The following NME9 variants were observed in gnomAD, a reference collection of about 807,000 sequenced individuals.
NME9 encodes the protein thioredoxin domain-containing protein 6.
NME9 carries 48 observed loss-of-function variants against 44.4 expected under a neutral mutation model. The ratio of observed to expected loss-of-function variants is 1.08; its 90% CI spans 0.86 to 1.37. NME9 has a LOEUF of 1.37. NME9 is among the 40% of genes most tolerant of loss of function. The pLI is 0.00. For missense variants in NME9, 325 were observed against 405.2 expected, an observed-to-expected ratio of 0.80 and a Z score of 1.70; for synonymous variants, 139 against 147.1, an observed-to-expected ratio of 0.94 and a Z score of 0.40.
At chr3:138,262,993 C>T (rs954407283) in intron 8 of NME9, among the ~76,000 whole-genome samples, 1 of 152,168 alleles carries the variant, frequency 6.6e-6, no homozygotes, top group African/African-American at 2.4e-5. Context: ...ATGCTTAGCA[C>T]AGTGCTTGGC....
At chr3:138,268,508 G>C (rs1259673674) in intron 8 of NME9, among the ~76,000 whole-genome samples, 1 of 152,188 alleles carries the variant, frequency 6.6e-6, no homozygotes, top group Non-Finnish European at 1.5e-5. Context: ...TTAGGGTCTA[G>C]TTAGGAAATA....
At chr3:138,329,273 A>G (rs1414454757) in intron 1 of NME9, 30 bp downstream of exon 1, 2 of 1,530,716 alleles carry the variant, frequency 1.3e-6, no homozygotes, top group South Asian at 2.4e-5. Context: ...CCCAACCCAG[A>G]GCTGGAAGCT....
chr3:138,316,611 T>C (rs1052509231), intron 4 of NME9, among the ~76,000 whole-genome samples: 1 of 152,054 alleles, frequency 6.6e-6, no homozygotes, highest in Non-Finnish European at 1.5e-5. Context: ...AGTCTATTTA[T>C]TTATTTATTT....
At chr3:138,324,276 T>G (rs900691461) in intron 2 of NME9, 1 of 339,402 alleles carries the variant, frequency 2.9e-6, no homozygotes, top group South Asian at 2.4e-5. Flanking sequence ...AGCCTTGAGA[T>G]CCCGTCTGAT....
chr3:138,315,460 G>A, intron 5 of NME9, 67 bp downstream of exon 5: 1 of 1,052,622 alleles, frequency 9.5e-7, no homozygotes, highest in South Asian at 1.4e-5. Context: ...AAGGAGATGG[G>A]GACTGCTGAT....
chr3:138,262,599 A>C, intron 8 of NME9: 1 of 909,366 alleles, frequency 1.1e-6, no homozygotes, highest in African/African-American at 1.7e-5. Flanking sequence ...GAGGAGATTA[A>C]AAAAAAAAAA....
At chr3:138,286,446 A>G (rs545530923) in intron 8 of NME9, among the ~76,000 whole-genome samples, 24 of 152,252 alleles carry the variant, frequency 1.6e-4, no homozygotes, top group African/African-American at 5.1e-4. Context: ...ACTTCAACCC[A>G]GCTGACTATT....
chr3:138,309,364 A>C (rs1173420219), intron 6 of NME9, among the ~76,000 whole-genome samples: 1 of 152,106 alleles, frequency 6.6e-6, no homozygotes, highest in East Asian at 1.9e-4. Context: ...AAATACTAAT[A>C]TGCAAAAAGA....
At chr3:138,270,149 T>C (rs2048653184) in intron 8 of NME9, 2 of 1,524,512 alleles carry the variant, frequency 1.3e-6, no homozygotes, top group African/African-American at 1.4e-5. Context: ...TTCACTTTTA[T>C]ATATATCATA....
chr3:138,320,468 C>G (rs1315063477), intron 2 of NME9, among the ~76,000 whole-genome samples: 1 of 152,164 alleles, frequency 6.6e-6, no homozygotes. Flanking sequence ...GTCAAAATTG[C>G]TAATAATTGA....
downstream of NME9, among the ~76,000 whole-genome samples, chr3:138,299,905 C>T (rs892174664): frequency 2.6e-5 from 4 of 152,200 alleles, no homozygotes; most frequent in Non-Finnish European, 5.9e-5. Flanking sequence ...AGATGGCTGT[C>T]AGCTGGGTGC....
At chr3:138,277,804 A>G (rs1357965071) in intron 8 of NME9, among the ~76,000 whole-genome samples, 3 of 152,210 alleles carry the variant, frequency 2.0e-5, no homozygotes, top group South Asian at 2.1e-4. Flanking sequence ...ACATAAAATG[A>G]AAACCTAAGT....
At chr3:138,304,430 C>T (rs2052080494) in intron 9 of NME9, among the ~76,000 whole-genome samples, 1 of 152,224 alleles carries the variant, frequency 6.6e-6, no homozygotes, top group African/African-American at 2.4e-5. Flanking sequence ...GAACAAGGTA[C>T]TCAGACTCCC....
intron 4 of NME9, among the ~76,000 whole-genome samples, chr3:138,316,386 C>G (rs2053082370): frequency 6.6e-6 from 1 of 152,122 alleles, no homozygotes; most frequent in East Asian, 1.9e-4. Context: ...ATAGCTGCAG[C>G]CTTCATGAAT....
At chr3:138,277,901 G>A (rs1442931988) in intron 8 of NME9, among the ~76,000 whole-genome samples, 4 of 150,886 alleles carry the variant, frequency 2.7e-5, no homozygotes, top group Non-Finnish European at 5.9e-5. Flanking sequence ...TCATATAATG[G>A]GATATCACAG....
exon 9 of NME9, chr3:138,262,204 G>A (rs2047812889): frequency 1.0e-5 from 2 of 199,930 alleles, no homozygotes; most frequent in East Asian, 2.4e-4. Context: ...ATATGAGGGA[G>A]TCACAAAGAG....
At chr3:138,264,239 A>G (rs906851940) in intron 8 of NME9, 2 of 1,586,434 alleles carry the variant, frequency 1.3e-6, no homozygotes, top group African/African-American at 1.3e-5. Context: ...AGCCAGTAAC[A>G]GCTGTACTCA....
rs1345583325 is a variant in NME9, at chr3:138,329,493, C to T, written c.-158G>A. On this transcript the variant is annotated 5_prime_UTR_variant, in exon 1 of 11. Transcript: ENST00000333911. ...CCCTTTTTAAGGTGCTTCTAACTGG[C>T]GGCAAATCAGCACACTGATACAAAG... 1.4e-6 allele frequency: 2 copies of T among 1,448,106 alleles called. No homozygotes were observed. The highest frequency in any genetic ancestry group is 1.8e-6 in the Non-Finnish European group (2 of 1,106,270). The allele number at this position is 1,448,106 out of a possible 1,614,324, so 89.7% of individuals were successfully genotyped here.
chr3:138,287,447 C>T (rs759751136), intron 8 of NME9, among the ~76,000 whole-genome samples: 1 of 152,104 alleles, frequency 6.6e-6, no homozygotes, highest in Non-Finnish European at 1.5e-5. Flanking sequence ...AGTTCCCACC[C>T]CTCCACCCTC....
Sources: allele counts gnomAD v4.1 joint callset (sites outside exome capture counted in the v4.1 genomes callset), GRCh38; gene constraint gnomAD v4.1.1; transcripts MANE v1.5; gene names NCBI Gene and HGNC (gene_info 2026-07-23, HGNC 2026-07-21).